CREB5: variants seen among roughly 807,000 people sequenced by gnomAD.
CREB5 encodes the protein cyclic AMP-responsive element-binding protein 5.
Under a neutral mutation model 57.1 loss-of-function variants are expected in CREB5, and 19 were observed. The observed-to-expected ratio is 0.33, with a 90% CI of 0.23 to 0.49. The LOEUF (loss-of-function observed/expected upper bound fraction) is 0.49. Ranked by LOEUF, CREB5 falls within the 20% of genes least tolerant of loss-of-function variation. The pLI is 0.99. For synonymous variants in CREB5, 238 were observed against 238.3 expected (o/e 1.00, Z 0.01); for missense variants, 579 against 671.6 (o/e 0.86, Z 1.52).
chr7:28,446,790 T>TCAAAA lies in CREB5; in HGVS notation c.3+33894_3+33898dup, dbSNP rs144125710. 5.2e-3 allele frequency among the ~76,000 whole-genome samples: 794 copies of TCAAAA among 152,110 alleles called. 7 individuals carry two copies. The highest frequency in any genetic ancestry group is 0.041 in the Middle Eastern group (12 of 294). On this transcript the variant is annotated intron_variant, in intron 1 of 10. Coordinates refer to ENST00000357727, the MANE Select transcript of CREB5 (RefSeq NM_182898.4). Reference sequence around the variant, plus strand: ...CTGGGCAACAGAGTGAGACTCTGTCTCAAAACAAAACAAAACAAAACAAAA... The same window carrying TCAAAA: ...CTGGGCAACAGAGTGAGACTCTGTCTCAAAACAAAACAAAACAAAACAAAACAAAA...
chr7:28,359,538 C>G (rs1786424900), intron 1 of CREB5, among the ~76,000 whole-genome samples: 1 of 152,156 alleles, frequency 6.6e-6, no homozygotes, highest in African/African-American at 2.4e-5. Context: ...CGAAATTGAA[C>G]TCTTATTTCA....
At chr7:28,411,748 A>C (rs1337609358), upstream of CREB5, among the ~76,000 whole-genome samples, 3 of 152,220 alleles carry the variant, frequency 2.0e-5, no homozygotes, top group Non-Finnish European at 4.4e-5. Context: ...TTTTCTTATA[A>C]TTAGATCTAC....
At chr7:28,535,814 A>G (rs216719) in intron 4 of CREB5, among the ~76,000 whole-genome samples, 72,029 of 152,014 alleles carry the variant, frequency 0.47, 17,663 homozygotes, top group African/African-American at 0.52. Context: ...AACCATTTCT[A>G]TTGCACTCCT....
chr7:28,526,658 A>G (rs1405278904), intron 4 of CREB5, among the ~76,000 whole-genome samples: 1 of 152,230 alleles, frequency 6.6e-6, no homozygotes, highest in Non-Finnish European at 1.5e-5. Flanking sequence ...TCCATGGTTT[A>G]GGCAAACTCG....
At chr7:28,630,042 C>A (rs1798145900) in intron 5 of CREB5, among the ~76,000 whole-genome samples, 1 of 152,240 alleles carries the variant, frequency 6.6e-6, no homozygotes, top group African/African-American at 2.4e-5. Context: ...TACCCACCTT[C>A]TGCCCCAGCC....
At chr7:28,736,809 GCT>G (rs200614614) in intron 7 of CREB5, among the ~76,000 whole-genome samples, 3 of 145,826 alleles carry the variant, frequency 2.1e-5, no homozygotes, top group Non-Finnish European at 3.0e-5. Context: ...ATGTACTTAG[GCT>G]CTCTCTCTCT....
At chr7:28,481,327 A>ACAGGG (rs1791323580) in intron 1 of CREB5, among the ~76,000 whole-genome samples, 3 of 152,208 alleles carry the variant, frequency 2.0e-5, no homozygotes, top group African/African-American at 7.2e-5. Context: ...GGGGATGGCA[A>ACAGGG]ATATCTTTGA....
At position 28,773,806 on chromosome 7, in the gene CREB5, G is replaced by A. The variant is rs1298683740; in HGVS notation, c.703-30393G>A. Among the ~76,000 whole-genome samples, 3 of 152,300 alleles carry A rather than the reference G, an allele frequency of 2.0e-5. No individual in the cohort carries two copies. In the East Asian group the frequency reaches 5.8e-4, roughly 29 times the overall value. On this transcript the variant is annotated intron_variant, in intron 7 of 10. Transcript: ENST00000357727. Reference sequence around the variant, plus strand: ...CCAGGTTAGTGACTTGAAGGACTTAGGGAACACTTAAATTCAGGGCTAATT... The same window carrying A: ...CCAGGTTAGTGACTTGAAGGACTTAAGGAACACTTAAATTCAGGGCTAATT...
Position 28,494,969 on chromosome 7 carries a change from C to G in CREB5, c.139C>G (p.Pro47Ala). The G allele has an allele frequency of 6.2e-7, 1 of 1,608,010 alleles. No individual in the cohort carries two copies. ...RHKHEMTLKF[P>A]SIKTDNMLSD... ...CAAACATGAAATGACTTTGAAGTTT[C>G]CTTCAATAAAAACAGACAATATGTT... The change falls in exon 3 of 11, where the codon CCT (proline) becomes GCT (alanine). Residue 47 changes from proline to alanine, a missense_variant. Around this residue, in one of 3 missense-constraint regions of CREB5, gnomAD observed 459 missense variants for 515.7 expected, o/e 0.89. Coordinates refer to ENST00000357727, the MANE Select transcript of CREB5 (RefSeq NM_182898.4).
intron 4 of CREB5, among the ~76,000 whole-genome samples, chr7:28,527,830 T>C (rs1385649456): frequency 6.6e-6 from 1 of 152,142 alleles, no homozygotes; most frequent in African/African-American, 2.4e-5. Flanking sequence ...AAAAATTCTC[T>C]TGTGAAATAT....
At chr7:28,726,843 A>G (rs1583622354) in intron 7 of CREB5, 1 of 152,144 alleles carries the variant, frequency 6.6e-6, no homozygotes, top group African/African-American at 2.4e-5. Flanking sequence ...TGTCCATTTC[A>G]AGCTCCCTGT....
chr7:28,700,142 G>C (rs1352652750), intron 5 of CREB5, among the ~76,000 whole-genome samples: 1 of 152,116 alleles, frequency 6.6e-6, no homozygotes, highest in Non-Finnish European at 1.5e-5. Flanking sequence ...CTTGGCCTTT[G>C]TTGACATATT....
chr7:28,753,218 C>G (rs942327937), intron 7 of CREB5, among the ~76,000 whole-genome samples: 35 of 152,014 alleles, frequency 2.3e-4, no homozygotes, highest in African/African-American at 8.5e-4. Context: ...AATCTAAATG[C>G]CCAATAAATA....
At chr7:28,766,030 T>C (rs180714912) in intron 7 of CREB5, among the ~76,000 whole-genome samples, 1 of 152,038 alleles carries the variant, frequency 6.6e-6, no homozygotes, top group African/African-American at 2.4e-5. Flanking sequence ...GTTACTTAGA[T>C]CTCTTGGAGC....
At chr7:28,319,619 T>C (rs948587000) in intron 1 of CREB5, among the ~76,000 whole-genome samples, 1 of 152,144 alleles carries the variant, frequency 6.6e-6, no homozygotes, top group African/African-American at 2.4e-5. Context: ...ACTCCTCCGC[T>C]CTACCCATGC....
At position 28,531,899 on chromosome 7, in the gene CREB5, C is replaced by T. The variant is rs140232906; in HGVS notation, c.291+24162C>T. 6.5e-3 allele frequency among the ~76,000 whole-genome samples: 983 copies of T among 152,136 alleles called. 13 individuals carry two copies. The highest frequency in any genetic ancestry group is 0.022 in the African/African-American group (932 of 41,508). On this transcript the variant is annotated intron_variant, in intron 4 of 10. Coordinates refer to ENST00000357727, the MANE Select transcript of CREB5 (RefSeq NM_182898.4). The stretch of plus-strand genomic sequence containing the variant: ...AAAAAATTAGCCGGGTGTGGTGGCA[C>T]GCACCTGTACTCCCAGCTACTCGGG...
intron 7 of CREB5, among the ~76,000 whole-genome samples, chr7:28,775,570 G>A (rs1464342348): frequency 1.1e-4 from 10 of 89,608 alleles, no homozygotes; most frequent in Non-Finnish European, 1.6e-4. Context: ...ATATATTAGC[G>A]TATTTTAGGT....
At chr7:28,748,979 G>A (rs1175267626) in intron 7 of CREB5, among the ~76,000 whole-genome samples, 1 of 152,168 alleles carries the variant, frequency 6.6e-6, no homozygotes, top group Non-Finnish European at 1.5e-5. Flanking sequence ...GTATTTGATT[G>A]TCTCACTTAA....
intron 5 of CREB5, among the ~76,000 whole-genome samples, chr7:28,573,331 C>T (rs919544627): frequency 2.6e-5 from 4 of 152,092 alleles, no homozygotes; most frequent in African/African-American, 9.7e-5. Context: ...TTTATCACAA[C>T]CTCAAATATT....
Sources: gnomAD v4.1 joint callset for allele counts (sites outside exome capture counted in the v4.1 genomes callset) on GRCh38, gnomAD v4.1.1 for gene constraint, gnomAD v4.1.1 regional missense constraint, MANE v1.5 for transcripts, NCBI Gene and HGNC (gene_info 2026-07-23, HGNC 2026-07-21) for gene names.